PCDHA6: variants seen among roughly 807,000 people sequenced by gnomAD.
PCDHA6 encodes the protein protocadherin alpha 6, also known as protocadherin alpha-6.
In PCDHA6, 55 loss-of-function variants were observed where a neutral mutation model predicts 60.3. That is an observed-to-expected ratio of 0.91 (90% CI 0.73 to 1.14). PCDHA6 has a LOEUF of 1.14. Among genes scored for constraint, PCDHA6 ranks in the 50% most tolerant of loss-of-function variants. The pLI is 0.00. For missense variants in PCDHA6, 1,327 were observed against 1,256.5 expected (o/e 1.06, Z -0.85); for synonymous variants, 652 against 557.9 (o/e 1.17, Z -2.38).
Position 140,856,641 on chromosome 5 carries a change from T to G in PCDHA6, c.2394+26156T>G, listed in dbSNP as rs1554148950. On this transcript the variant is annotated intron_variant, in intron 1 of 3. Coordinates refer to ENST00000529310, the MANE Select transcript of PCDHA6 (RefSeq NM_018909.4). ...TTCCCAGTGCTTGTTCTGCGGAAGC[T>G]GCTGGATCGTGAAGAAAATCCTCAG... 4.4e-6 allele frequency: 7 copies of G among 1,598,334 alleles called. 1 individual carries two copies. The highest frequency in any genetic ancestry group is 5.1e-6 in the Non-Finnish European group (6 of 1,167,764).
intron 1 of PCDHA6, chr5:140,835,888 G>T (rs2150247601): frequency 6.2e-7 from 1 of 1,611,944 alleles, no homozygotes; most frequent in Non-Finnish European, 8.5e-7. Flanking sequence ...GTGGGCGAGC[G>T]CGCGCTGTCG....
At chr5:140,834,333 T>C (rs781836936) in intron 1 of PCDHA6, 11 of 1,490,244 alleles carry the variant, frequency 7.4e-6, no homozygotes, top group Non-Finnish European at 1.0e-5. Flanking sequence ...AACATTCCTA[T>C]AAATTCGAAG....
chr5:140,939,894 T>G (rs1554213013), intron 1 of PCDHA6, among the ~76,000 whole-genome samples: 2 of 152,220 alleles, frequency 1.3e-5, no homozygotes, highest in Non-Finnish European at 2.9e-5. Context: ...TGTTCAAATA[T>G]TCTGCATTCT....
intron 1 of PCDHA6, among the ~76,000 whole-genome samples, chr5:140,906,294 T>C (rs1554192469): frequency 1.3e-5 from 2 of 152,278 alleles, no homozygotes; most frequent in East Asian, 3.9e-4. Flanking sequence ...AAGACAATAA[T>C]AAGGTCATAA....
At chr5:140,960,855 A>T (rs1363929142) in intron 1 of PCDHA6, among the ~76,000 whole-genome samples, 1 of 152,204 alleles carries the variant, frequency 6.6e-6, no homozygotes, top group Non-Finnish European at 1.5e-5. Context: ...GGCAACTATA[A>T]GCCAGAAATT....
Position 140,828,876 on chromosome 5 carries a change from T to C in PCDHA6, c.785T>C (p.Ile262Thr), listed in dbSNP as rs1554131616. The C allele has an allele frequency of 2.5e-6, 4 of 1,614,116 alleles. No homozygotes were observed. Among genetic ancestry groups the C allele is most frequent in the African/African-American group, 2.7e-5 (2 of 74,946 alleles). ...AATGCAGACAACGGAACAACAGTTA[T>C]CAGACTGAATGCTTCTGATCGGGAT... ...FENADNGTTV[I>T]RLNASDRDEG... The change falls in exon 1 of 4, where the codon ATC becomes ACC. Residue 262 changes from isoleucine (I) to threonine (T), a missense_variant. Physicochemically the swap from Ile to Thr is moderately conservative, Grantham distance 89. Transcript: ENST00000529310.
intron 1 of PCDHA6, chr5:140,877,772 C>T (rs372461540): frequency 9.3e-6 from 15 of 1,614,150 alleles, no homozygotes; most frequent in Non-Finnish European, 1.2e-5. Context: ...CCGCCCAAGA[C>T]GGACCTCATG....
intron 1 of PCDHA6, among the ~76,000 whole-genome samples, chr5:140,895,496 T>A (rs1364776623): frequency 1.3e-5 from 2 of 152,216 alleles, no homozygotes; most frequent in African/African-American, 4.8e-5. Flanking sequence ...TATTCAGAAC[T>A]TTTGCCCAAT....
Position 140,842,658 on chromosome 5 carries a change from C to T in PCDHA6, c.2394+12173C>T. ...ACCGCCAGCTTGTCTGTGGAGGTGG[C>T]CGACGTGAACGACAATGCTCCGGCG... is the stretch of plus-strand genomic sequence containing the variant. On this transcript the variant is annotated intron_variant, in intron 1 of 3. Coordinates refer to ENST00000529310, the MANE Select transcript of PCDHA6 (RefSeq NM_018909.4). 1.9e-6 allele frequency: 3 copies of T among 1,595,322 alleles called. 1 individual carries two copies. The highest frequency in any genetic ancestry group is 8.6e-7 in the Non-Finnish European group (1 of 1,165,500).
chr5:140,873,412 T>C (rs2054273798), intron 1 of PCDHA6, among the ~76,000 whole-genome samples: 1 of 152,210 alleles, frequency 6.6e-6, no homozygotes, highest in Non-Finnish European at 1.5e-5. Context: ...GGTTAAAATT[T>C]TGTAAATTAT....
chr5:140,868,956 C>T (rs2050758654), intron 1 of PCDHA6: 9 of 1,367,630 alleles, frequency 6.6e-6, no homozygotes, highest in Non-Finnish European at 7.9e-6. Flanking sequence ...GAGGCACTCC[C>T]ATACAAAGGA....
rs372392810 is a variant in PCDHA6, at chr5:140,953,521, C to T, written c.2395-25428C>T. On this transcript the variant is annotated intron_variant, in intron 1 of 3. Coordinates refer to ENST00000529310, the MANE Select transcript of PCDHA6 (RefSeq NM_018909.4). Reference sequence around the variant, plus strand: ...AGCTATTAGGCCAAAGCAACAAAAACGGGAAACTCACTTCATGCTGATTCT... The same window carrying T: ...AGCTATTAGGCCAAAGCAACAAAAATGGGAAACTCACTTCATGCTGATTCT... 2.0e-5 allele frequency among the ~76,000 whole-genome samples: 3 copies of T among 152,230 alleles called. No individual in the cohort carries two copies. In the East Asian group the frequency reaches 5.8e-4, roughly 29 times the overall value.
chr5:140,897,999 G>A (rs1411789620), intron 1 of PCDHA6, among the ~76,000 whole-genome samples: 3 of 152,142 alleles, frequency 2.0e-5, no homozygotes, highest in East Asian at 1.9e-4. Context: ...TTTGAGAAGT[G>A]TCTGTTCATA....
chr5:140,978,240 C>G (rs1290697340), intron 1 of PCDHA6, among the ~76,000 whole-genome samples: 1 of 152,174 alleles, frequency 6.6e-6, no homozygotes, highest in African/African-American at 2.4e-5. Flanking sequence ...TGGATTTCAG[C>G]TACTCCCTGT....
rs955565578 is a variant in PCDHA6, at chr5:141,012,291, T to C, written c.*2354T>C. 6 of 153,804 alleles carry C rather than the reference T, an allele frequency of 3.9e-5. No homozygotes were observed. The highest frequency in any genetic ancestry group is 9.6e-5 in the African/African-American group (4 of 41,478). The allele number at this position is 153,804 out of a possible 1,614,324, so 9.5% of individuals were successfully genotyped here. A position where few individuals can be genotyped will look rare whatever the true frequency, so the allele number is the denominator to read the frequency against. On this transcript the variant is annotated 3_prime_UTR_variant, in exon 4 of 4. Coordinates refer to ENST00000529310, the MANE Select transcript of PCDHA6 (RefSeq NM_018909.4). ...ACACGTCATGTGGATTCATTTTGAA[T>C]TGGTGCTATTGGTATTTCCTCTGTT...
intron 1 of PCDHA6, among the ~76,000 whole-genome samples, chr5:140,926,076 T>C (rs2082906284): frequency 1.3e-5 from 2 of 152,204 alleles, no homozygotes; most frequent in Admixed American, 1.3e-4. Context: ...TCGTCTCTAT[T>C]GCCCTCTTGG....
chr5:140,999,409 T>C (rs1554256782), intron 3 of PCDHA6, among the ~76,000 whole-genome samples: 1 of 152,186 alleles, frequency 6.6e-6, no homozygotes, highest in African/African-American at 2.4e-5. Flanking sequence ...TATGAAAGAA[T>C]GGGAGCTAAG....
intron 1 of PCDHA6, chr5:140,883,371 T>C (rs2059578130): frequency 1.2e-6 from 2 of 1,614,152 alleles, no homozygotes; most frequent in East Asian, 4.5e-5. Flanking sequence ...CCTAGCGCCA[T>C]TATTGCCCTA....
intron 1 of PCDHA6, among the ~76,000 whole-genome samples, chr5:140,897,805 A>G (rs1216400632): frequency 6.6e-6 from 1 of 152,172 alleles, no homozygotes; most frequent in Non-Finnish European, 1.5e-5. Context: ...AGTCCCACCA[A>G]CAGTGTAAAA....
Sources: gnomAD v4.1 joint callset for allele counts (sites outside exome capture counted in the v4.1 genomes callset) on GRCh38, gnomAD v4.1.1 for gene constraint, MANE v1.5 for transcripts, NCBI Gene and HGNC (gene_info 2026-07-23, HGNC 2026-07-21) for gene names.